Variants in PXT1 observed in about 807,000 individuals in gnomAD.
PXT1 encodes peroxisomal testis-specific protein 1.
Under a neutral mutation model 11.0 loss-of-function variants are expected in PXT1, and 11 were observed. That is an observed-to-expected ratio of 1.00 (90% CI 0.63 to 1.66). The LOEUF (loss-of-function observed/expected upper bound fraction) is 1.66, where lower values mean the gene tolerates loss of function less well. PXT1 is among the 40% of genes most tolerant of loss of function. The pLI, the probability that PXT1 is intolerant of heterozygous loss-of-function variation, is 0.00. For missense variants in PXT1, 141 were observed against 155.5 expected (o/e 0.91, Z 0.49); for synonymous variants, 43 against 51.4 (o/e 0.84, Z 0.70).
intron 2 of PXT1, among the ~76,000 whole-genome samples, chr6:36,438,039 C>T (rs1007699426): frequency 1.3e-5 from 2 of 151,540 alleles, no homozygotes; most frequent in Admixed American, 6.6e-5. Context: ...AGGCTGGTCT[C>T]GAACTCCTGA....
At chr6:36,420,680 A>G (rs1321852376) in intron 3 of PXT1, among the ~76,000 whole-genome samples, 1 of 152,210 alleles carries the variant, frequency 6.6e-6, no homozygotes, top group Non-Finnish European at 1.5e-5. Flanking sequence ...AACATATAGC[A>G]CTTACAACGT....
At chr6:36,436,794 T>C (rs1774769935) in intron 2 of PXT1, among the ~76,000 whole-genome samples, 1 of 152,196 alleles carries the variant, frequency 6.6e-6, no homozygotes, top group Non-Finnish European at 1.5e-5. Flanking sequence ...GGAACTCTCT[T>C]GTGTCCATTG....
intron 2 of PXT1, among the ~76,000 whole-genome samples, chr6:36,437,173 G>A (rs12215889): frequency 0.57 from 85,913 of 151,748 alleles, 25,861 homozygotes; most frequent in Middle Eastern, 0.72. Flanking sequence ...TATAATCCCA[G>A]CTACTTGGGA....
At chr6:36,398,014 C>CA (rs377375378) in intron 4 of PXT1, among the ~76,000 whole-genome samples, 5,261 of 140,760 alleles carry the variant, frequency 0.037, 107 homozygotes, top group African/African-American at 0.061. Context: ...GACTCTGTCT[C>CA]AAAAAAAAAA....
chr6:36,409,719 G>A (rs1386938169), intron 3 of PXT1, among the ~76,000 whole-genome samples: 4 of 151,764 alleles, frequency 2.6e-5, no homozygotes, highest in South Asian at 2.1e-4. Context: ...CTCAGATCTC[G>A]GGAGGCTGAG....
rs1774060334 is a variant in PXT1 at position 36,391,131 on chromosome 6, C to T, written c.*639G>A. The T allele has an allele frequency of 6.6e-6, 1 of 152,504 alleles. No individual in the cohort carries two copies. 9.4% of individuals were successfully genotyped at this position (152,504 alleles called of 1,614,324 possible). A position where few individuals can be genotyped will look rare whatever the true frequency, so the allele number is the denominator to read the frequency against. ...AGAATCAGAGCCTGAGAAGGAAACACCCAACGGTGCTAGTGGTAGTAGTGG... is the reference window on the plus strand; with the variant it reads ...AGAATCAGAGCCTGAGAAGGAAACATCCAACGGTGCTAGTGGTAGTAGTGG... On this transcript the variant is annotated 3_prime_UTR_variant, in exon 5 of 5. Transcript: ENST00000454782.
chr6:36,405,977 A>G (rs2127412034), intron 3 of PXT1, among the ~76,000 whole-genome samples: 1 of 152,320 alleles, frequency 6.6e-6, no homozygotes, highest in South Asian at 2.1e-4. Context: ...ATGTGCACAC[A>G]ATGATGAAAT....
At chr6:36,430,285 T>C (rs2127417671) in intron 2 of PXT1, among the ~76,000 whole-genome samples, 1 of 152,336 alleles carries the variant, frequency 6.6e-6, no homozygotes, top group South Asian at 2.1e-4. Context: ...CATTTTGCTG[T>C]CTATGTGTTG....
chr6:36,423,529 C>A (rs1774555738), intron 3 of PXT1, among the ~76,000 whole-genome samples: 1 of 152,252 alleles, frequency 6.6e-6, no homozygotes, highest in Admixed American at 6.5e-5. Context: ...GGGCTCCTGG[C>A]GGGAGCGGGA....
At chr6:36,440,071 C>T (rs1205021173) in intron 1 of PXT1, among the ~76,000 whole-genome samples, 1 of 152,132 alleles carries the variant, frequency 6.6e-6, no homozygotes, top group African/African-American at 2.4e-5. Flanking sequence ...GCACTCCAGC[C>T]TGAGTGACAG....
chr6:36,407,957 C>T (rs1358283754), intron 3 of PXT1, among the ~76,000 whole-genome samples: 2 of 136,154 alleles, frequency 1.5e-5, no homozygotes, highest in Non-Finnish European at 3.2e-5. Context: ...CTTTTTCTTT[C>T]TTTTTTTTTT....
intron 4 of PXT1, among the ~76,000 whole-genome samples, chr6:36,392,636 G>A (rs1774085812): frequency 6.6e-6 from 1 of 152,144 alleles, no homozygotes; most frequent in African/African-American, 2.4e-5. Flanking sequence ...ACTCCAGCCT[G>A]GGCAACAGAG....
intron 2 of PXT1, among the ~76,000 whole-genome samples, chr6:36,427,816 T>C (rs1023404463): frequency 2.0e-5 from 3 of 152,184 alleles, no homozygotes; most frequent in African/African-American, 7.2e-5. Flanking sequence ...CAGTGGCCAC[T>C]GTACTGTACT....
At position 36,395,493 on chromosome 6, in the gene PXT1, ATTTTTTTTTTTTTT is replaced by A. The variant is rs148553371; in HGVS notation, c.301-3633_301-3620del. 6.8e-5 allele frequency among the ~76,000 whole-genome samples: 5 copies of A among 73,312 alleles called. 1 individual carries two copies. The East Asian group carries it at 2.2e-3, about 32-fold the overall frequency. 48.1% of individuals were successfully genotyped at this position (73,312 alleles called of 152,430 possible). A position where few individuals can be genotyped will look rare whatever the true frequency, so the allele number is the denominator to read the frequency against. ...TCAGCATTTCAGAGCCAAACTTAGG[ATTTTTTTTTTTTTT>A]TTTTTTTTTTTTTGAGACAGGGTCT... On this transcript the variant is annotated intron_variant, in intron 4 of 4. Transcript: ENST00000454782.
At chr6:36,418,180 A>T (rs1191672387) in intron 3 of PXT1, among the ~76,000 whole-genome samples, 1 of 151,754 alleles carries the variant, frequency 6.6e-6, no homozygotes, top group Non-Finnish European at 1.5e-5. Flanking sequence ...TGGGCGACAG[A>T]GCGAGACTCC....
chr6:36,402,114 G>A (rs1774223494), intron 3 of PXT1, among the ~76,000 whole-genome samples: 1 of 152,024 alleles, frequency 6.6e-6, no homozygotes, highest in African/African-American at 2.4e-5. Flanking sequence ...ACTATGCCCA[G>A]CCCCATTTAA....
In PXT1 at chr6:36,392,305, T is replaced by C. The variant is rs919228266; in HGVS notation, c.301-431A>G. Among the ~76,000 whole-genome samples, 3 of 152,168 alleles carry C rather than the reference T, an allele frequency of 2.0e-5. No individual in the cohort carries two copies. The South Asian group carries it at 6.2e-4, about 31-fold the overall frequency. ...CACTCTTTTCAGGGCTGATAACCTA[T>C]TCCCCTGGATTCCCAAAACACTTTC... On this transcript the variant is annotated intron_variant, in intron 4 of 4. Coordinates refer to ENST00000454782, the MANE Select transcript of PXT1 (RefSeq NM_152990.4).
chr6:36,429,969 T>C (rs1470507586), intron 2 of PXT1, among the ~76,000 whole-genome samples: 1 of 151,704 alleles, frequency 6.6e-6, no homozygotes, highest in African/African-American at 2.4e-5. Flanking sequence ...GAGGCCCAGA[T>C]AGGTGGATAG....
At chr6:36,425,830 T>G in intron 3 of PXT1, 84 bp downstream of exon 3, 2 of 519,618 alleles carry the variant, frequency 3.8e-6, no homozygotes, top group Non-Finnish European at 6.2e-6. Flanking sequence ...ATATATATAT[T>G]TAATGTCCAA....
Sources: allele counts gnomAD v4.1 joint callset (sites outside exome capture counted in the v4.1 genomes callset), GRCh38; gene constraint gnomAD v4.1.1; transcripts MANE v1.5; gene names NCBI Gene and HGNC (gene_info 2026-07-23, HGNC 2026-07-21).